The following GANC variants were observed in gnomAD, a reference collection of about 807,000 sequenced individuals.
GANC encodes glucosidase alpha, neutral C.
A neutral mutation model predicts 124.2 loss-of-function variants in GANC; 117 were observed. The ratio of observed to expected loss-of-function variants is 0.94; its 90% CI spans 0.81 to 1.10. GANC has a LOEUF of 1.10. Ranked by LOEUF, GANC falls within the 50% of genes least tolerant of loss-of-function variation. The pLI is 0.00. For missense variants in GANC, 1,140 were observed against 1,095.0 expected, an observed-to-expected ratio of 1.04 and a Z score of -0.58; for synonymous variants, 377 against 376.8, an observed-to-expected ratio of 1.00 and a Z score of -0.01.
Position 42,330,608 on chromosome 15 carries a change from A to T in GANC, c.1677A>T (p.Arg559=). 6.2e-7 allele frequency: 1 copy of T among 1,611,524 alleles called. No individual in the cohort carries two copies. The highest frequency in any genetic ancestry group is 1.1e-5 in the South Asian group (1 of 90,256). Residue 559 remains arginine (R), a synonymous_variant, in exon 15 of 24, where the codon CGA becomes CGT. Transcript: ENST00000318010. ...QMATAEGLIK[R]SKGKERPFVL... is the part of the protein sequence containing the mutation. Reference sequence around the variant, plus strand: ...CTACTGCAGAAGGACTGATAAAACGATCTAAAGGGAAGGAGAGACCCTTTG... The same window carrying T: ...CTACTGCAGAAGGACTGATAAAACGTTCTAAAGGGAAGGAGAGACCCTTTG...
rs200477745 is a variant in GANC at position 42,278,547 on chromosome 15, A to G, written c.158A>G (p.Asp53Gly). 2.7e-4 allele frequency: 432 copies of G among 1,613,210 alleles called. 2 individuals are homozygous for G. The South Asian group carries it at 3.7e-3, about 14-fold the overall frequency. ...GCATTATTGGATTCAGTCACAACAG[A>G]TGAAGACAGCACCAGGTTCCAAATC... ...YQALLDSVTT[D>G]EDSTRFQIIN... Residue 53 changes from aspartate to glycine, a missense_variant, in exon 3 of 24, where the codon GAT becomes GGT. By Grantham distance (94) the Asp-to-Gly change is moderately conservative (BLOSUM62 -1). Coordinates refer to ENST00000318010, the MANE Select transcript of GANC (RefSeq NM_198141.3).
chr15:42,308,218 A>G lies in GANC; in HGVS notation c.626-4A>G, dbSNP rs2052016078. The G allele has an allele frequency of 6.3e-7, 1 of 1,595,574 alleles. No homozygotes were observed. The highest frequency in any genetic ancestry group is 8.6e-7 in the Non-Finnish European group (1 of 1,164,620). On this transcript the variant is annotated splice_region_variant and splice_polypyrimidine_tract_variant and intron_variant, in intron 7 of 23. Coordinates refer to ENST00000318010, the MANE Select transcript of GANC (RefSeq NM_198141.3). ...AACAAAACTCAGTATCCTGGTCTCTACAGGCCCTTCTTCTATTGGTTTGGA... is the reference window on the plus strand; with the variant it reads ...AACAAAACTCAGTATCCTGGTCTCTGCAGGCCCTTCTTCTATTGGTTTGGA...
At position 42,329,334 on chromosome 15, in the gene GANC, A is replaced by C; in HGVS notation, c.1529A>C (p.Asn510Thr). The change falls in exon 14 of 24, where the codon AAT becomes ACT. Residue 510 changes from asparagine (N) to threonine (T), a missense_variant. Coordinates refer to ENST00000318010, the MANE Select transcript of GANC (RefSeq NM_198141.3). ...TCTACGGACATCCTCTTCCTTTGGA[A>C]TGACATGAATGAGCCTTCTGTCTTT... ...QGSTDILFLW[N>T]DMNEPSVFRG... 1 of 1,613,936 alleles carries C rather than the reference A, an allele frequency of 6.2e-7. No homozygotes were observed. The highest frequency in any genetic ancestry group is 8.5e-7 in the Non-Finnish European group (1 of 1,179,888).
At chr15:42,274,632 T>A (rs1336526266) in intron 1 of GANC, 122 bp downstream of exon 1, 2 of 992,842 alleles carry the variant, frequency 2.0e-6, no homozygotes, top group Non-Finnish European at 2.9e-6. Context: ...TTCTCTCAAT[T>A]CGCGGGAAGT....
chr15:42,296,142 CAA>C (rs79173534), intron 5 of GANC, among the ~76,000 whole-genome samples: 32 of 64,746 alleles, frequency 4.9e-4, no homozygotes, highest in South Asian at 4.8e-4. Context: ...AACTCTGTCT[CAA>C]AAAAAAAAAA....
intron 7 of GANC, 40 bp downstream of exon 7, chr15:42,306,652 T>C (rs2051999398): frequency 7.4e-7 from 1 of 1,357,556 alleles, no homozygotes; most frequent in Non-Finnish European, 1.0e-6. Context: ...CAGATCATTC[T>C]AAAAATGTCT....
At chr15:42,303,603 G>A (rs2051966843) in intron 6 of GANC, among the ~76,000 whole-genome samples, 1 of 148,794 alleles carries the variant, frequency 6.7e-6, no homozygotes, top group Non-Finnish European at 1.5e-5. Flanking sequence ...GCTGTGTTCA[G>A]GAGACCCATC....
chr15:42,275,024 A>G (rs1271239119), intron 1 of GANC, among the ~76,000 whole-genome samples: 1 of 152,150 alleles, frequency 6.6e-6, no homozygotes, highest in African/African-American at 2.4e-5. Context: ...ATCATCCCAG[A>G]GTTAATTCTT....
In GANC at chr15:42,352,744, A is replaced by C; in HGVS notation, c.*605A>C. ...TGCTTCTCAGGCTCAATAGTTTCTAATTAATCTTAAAATCCATGTCTTTTA... is the reference window on the plus strand; with the variant it reads ...TGCTTCTCAGGCTCAATAGTTTCTACTTAATCTTAAAATCCATGTCTTTTA... On this transcript the variant is annotated 3_prime_UTR_variant, in exon 24 of 24. Transcript: ENST00000318010. 1 of 984,794 alleles carries C rather than the reference A, an allele frequency of 1.0e-6. No homozygotes were observed. Among genetic ancestry groups the C allele is most frequent in the Non-Finnish European group, 1.2e-6 (1 of 828,942 alleles). The allele number at this position is 984,794 out of a possible 1,614,324, so 61.0% of individuals were successfully genotyped here. A position where few individuals can be genotyped will look rare whatever the true frequency, so the allele number is the denominator to read the frequency against.
intron 15 of GANC, among the ~76,000 whole-genome samples, chr15:42,332,888 C>T (rs1018209752): frequency 1.3e-5 from 2 of 149,700 alleles, no homozygotes; most frequent in Non-Finnish European, 3.0e-5. Flanking sequence ...CGTGGTAGCG[C>T]GCACCTGTAA....
intron 3 of GANC, 66 bp from the exon 4 acceptor site, chr15:42,287,625 A>G (rs1247778068): frequency 6.5e-7 from 1 of 1,530,530 alleles, no homozygotes; most frequent in Admixed American, 2.2e-5. Context: ...TAATTATTGT[A>G]ATTGGTGCAA....
At chr15:42,345,246 C>A (rs77950710) in intron 19 of GANC, among the ~76,000 whole-genome samples, 5,456 of 149,432 alleles carry the variant, frequency 0.037, 95 homozygotes, top group Non-Finnish European at 0.042. Flanking sequence ...AATAGTAATT[C>A]AAGTTTCCAT....
intron 23 of GANC, among the ~76,000 whole-genome samples, chr15:42,351,693 T>C (rs2052439561): frequency 6.6e-6 from 1 of 152,228 alleles, no homozygotes; most frequent in Non-Finnish European, 1.5e-5. Context: ...TGAATATTTG[T>C]TTAAACTATA....
intron 6 of GANC, among the ~76,000 whole-genome samples, chr15:42,302,994 A>T (rs2051960939): frequency 6.6e-6 from 1 of 152,216 alleles, no homozygotes; most frequent in Non-Finnish European, 1.5e-5. Context: ...AAATTCAGGA[A>T]ATACAGAGAA....
Position 42,273,372 on chromosome 15 carries a change from C to T in GANC, c.-1110C>T. 6.2e-7 allele frequency: 1 copy of T among 1,614,064 alleles called. No individual in the cohort carries two copies. Among genetic ancestry groups the T allele is most frequent in the Non-Finnish European group, 8.5e-7 (1 of 1,180,030 alleles). On this transcript the variant is annotated 5_prime_UTR_variant, in exon 1 of 24. Coordinates refer to ENST00000318010, the MANE Select transcript of GANC (RefSeq NM_198141.3). ...CCAGAAGCAGAAGAATGACAGGCAA[C>T]ACCTGAAGCCACGCAGCCGCCGCCA...
chr15:42,278,602 G>A lies in GANC; in HGVS notation c.201+12G>A. 3.9e-6 allele frequency: 6 copies of A among 1,557,996 alleles called. No individual in the cohort carries two copies. The highest frequency in any genetic ancestry group is 5.3e-6 in the Non-Finnish European group (6 of 1,131,154). On this transcript the variant is annotated intron_variant, in intron 3 of 23. Coordinates refer to ENST00000318010, the MANE Select transcript of GANC (RefSeq NM_198141.3). ...ATGAAGCAAGTAAGGTGAGATGGAAGTATTTTCTACAGAGAATAATTTGTT... is the reference window on the plus strand; with the variant it reads ...ATGAAGCAAGTAAGGTGAGATGGAAATATTTTCTACAGAGAATAATTTGTT...
At chr15:42,279,688 C>G (rs2051712211) in intron 3 of GANC, among the ~76,000 whole-genome samples, 1 of 152,138 alleles carries the variant, frequency 6.6e-6, no homozygotes, top group African/African-American at 2.4e-5. Flanking sequence ...TTTCTAAGGC[C>G]TCTGAGACCA....
At chr15:42,282,395 G>A (rs1404566107) in intron 3 of GANC, among the ~76,000 whole-genome samples, 1 of 152,188 alleles carries the variant, frequency 6.6e-6, no homozygotes, top group Non-Finnish European at 1.5e-5. Flanking sequence ...GTTTCAAGGA[G>A]ATTGCACATT....
chr15:42,339,355 CACAGTT>C (rs1407826049), intron 16 of GANC, among the ~76,000 whole-genome samples: 5 of 135,914 alleles, frequency 3.7e-5, no homozygotes, highest in African/African-American at 1.4e-4. Context: ...CACACACACA[CACAGTT>C]ATTTAATCAG....
Sources: gnomAD v4.1 joint callset for allele counts (sites outside exome capture counted in the v4.1 genomes callset) on GRCh38, gnomAD v4.1.1 for gene constraint, MANE v1.5 for transcripts, NCBI Gene and HGNC (gene_info 2026-07-23, HGNC 2026-07-21) for gene names.